Variants in NCOR2 observed in about 807,000 individuals in gnomAD.
NCOR2 encodes nuclear receptor corepressor 2.
Under a neutral mutation model 262.9 loss-of-function variants are expected in NCOR2, and 81 were observed. The observed-to-expected ratio is 0.31, with a 90% CI of 0.26 to 0.37. The LOEUF (loss-of-function observed/expected upper bound fraction) is 0.37, where lower values mean the gene tolerates loss of function less well. Ranked by LOEUF, NCOR2 falls within the 10% of genes least tolerant of loss-of-function variation. NCOR2 has a pLI of 1.00. For missense variants in NCOR2, 3,385 were observed against 3,621.4 expected, an observed-to-expected ratio of 0.93 and a Z score of 1.68; for synonymous variants, 1,659 against 1,559.3, an observed-to-expected ratio of 1.06 and a Z score of -1.51.
intron 23 of NCOR2, among the ~76,000 whole-genome samples, chr12:124,355,856 C>T (rs921210868): frequency 2.0e-5 from 3 of 152,170 alleles, no homozygotes; most frequent in African/African-American, 4.8e-5. Context: ...CCACTGTAGC[C>T]CCCAGTAGCC....
chr12:124,429,164 C>T (rs182206913), intron 10 of NCOR2, among the ~76,000 whole-genome samples: 208 of 152,366 alleles, frequency 1.4e-3, no homozygotes, highest in African/African-American at 4.8e-3. Flanking sequence ...GGGAACTCTT[C>T]GGCCTGCGCC....
chr12:124,526,645 C>T (rs897093955), intron 1 of NCOR2, among the ~76,000 whole-genome samples: 5 of 152,280 alleles, frequency 3.3e-5, no homozygotes, highest in African/African-American at 4.8e-5. Context: ...CAGCTGGTCT[C>T]CTCTCCCCCG....
intron 22 of NCOR2, among the ~76,000 whole-genome samples, chr12:124,360,463 C>T (rs2038469629): frequency 6.6e-6 from 1 of 152,270 alleles, no homozygotes; most frequent in Non-Finnish European, 1.5e-5. Flanking sequence ...CCCGCTGCTG[C>T]CCTTGACTCA....
chr12:124,388,430 C>A (rs1042058629), intron 16 of NCOR2, among the ~76,000 whole-genome samples: 8 of 152,274 alleles, frequency 5.3e-5, no homozygotes, highest in African/African-American at 1.9e-4. Flanking sequence ...CTTGGAGAGA[C>A]CCCCTGTGCA....
At chr12:124,550,670 A>G (rs2051687017) in intron 1 of NCOR2, among the ~76,000 whole-genome samples, 1 of 152,216 alleles carries the variant, frequency 6.6e-6, no homozygotes, top group Admixed American at 6.5e-5. Context: ...TTCTGCTTCC[A>G]AAAACCAAAA....
chr12:124,525,230 G>A (rs940836181), intron 1 of NCOR2, among the ~76,000 whole-genome samples: 40 of 152,066 alleles, frequency 2.6e-4, no homozygotes, highest in African/African-American at 8.2e-4. Flanking sequence ...GGGCCTTCGC[G>A]CCTGCTGTTC....
rs2046910592 is a variant in NCOR2, at chr12:124,473,141, A to G, written c.412-10T>C. ...CCGTCAGGCTACGGTCCTGTGGCAG[A>G]AAAAAAACGGGCATGGGGTCAGCAC... is the stretch of plus-strand genomic sequence containing the variant. On this transcript the variant is annotated splice_polypyrimidine_tract_variant and intron_variant, in intron 3 of 46. Coordinates refer to ENST00000405201, the Ensembl canonical transcript of NCOR2. 6.2e-7 allele frequency: 1 copy of G among 1,612,942 alleles called. No homozygotes were observed. Among genetic ancestry groups the G allele is most frequent in the Non-Finnish European group, 8.5e-7 (1 of 1,179,914 alleles).
At chr12:124,494,942 T>C (rs1040990476) in intron 1 of NCOR2, among the ~76,000 whole-genome samples, 2 of 152,128 alleles carry the variant, frequency 1.3e-5, no homozygotes, top group Admixed American at 1.3e-4. Flanking sequence ...TCTTCCCAGC[T>C]TTAAAATGGG....
intron 1 of NCOR2, among the ~76,000 whole-genome samples, chr12:124,558,266 A>ACCCCCC (rs11428567): frequency 2.7e-5 from 3 of 112,998 alleles, no homozygotes; most frequent in South Asian, 3.0e-4. Flanking sequence ...TCTCCCACCC[A>ACCCCCC]CCCCCCCTCC....
At chr12:124,325,428 A>C in exon 47 of NCOR2, 2 of 958,404 alleles carry the variant, frequency 2.1e-6, no homozygotes, top group South Asian at 4.5e-5. Flanking sequence ...AGTGTCTCGT[A>C]CTGCGAGCAG....
chr12:124,414,418 T>C (rs775026592), intron 13 of NCOR2, among the ~76,000 whole-genome samples: 100 of 152,262 alleles, frequency 6.6e-4, no homozygotes, highest in Non-Finnish European at 1.1e-3. Flanking sequence ...ATCATCGCCA[T>C]CGCCACCATA....
Position 124,523,644 on chromosome 12 carries a change from A to AAC in NCOR2, c.-118+11920_-118+11921insGT, listed in dbSNP as rs200794393. On this transcript the variant is annotated intron_variant, in intron 1 of 46. Coordinates refer to the NCOR2 transcript ENST00000404621. This position sits in a 1 kb window ranked among gnomAD's most constrained non-coding sequence, Gnocchi z 4.0. ...AACCATAGCTGATGAACTAAAAAAA[A>AAC]AAAAAACAAAAAACCGAAAAACAAT... 0.031 allele frequency among the ~76,000 whole-genome samples: 4,776 copies of AAC among 151,792 alleles called. 253 individuals are homozygous for AAC. Among genetic ancestry groups the AAC allele is most frequent in the African/African-American group, 0.11 (4,528 of 41,332 alleles).
At chr12:124,337,212 A>G in intron 37 of NCOR2, 32 bp from the exon 40 acceptor site, 6 of 1,548,078 alleles carry the variant, frequency 3.9e-6, no homozygotes, top group Non-Finnish European at 5.2e-6. Flanking sequence ...TCAGGCAGTC[A>G]TGGGAGCTGC....
At chr12:124,530,439 A>G (rs758646860) in intron 1 of NCOR2, among the ~76,000 whole-genome samples, 1 of 152,174 alleles carries the variant, frequency 6.6e-6, no homozygotes, top group Non-Finnish European at 1.5e-5. Context: ...TGGGTGCATC[A>G]TTATAGGTTA....
rs750121527 is a variant in NCOR2, at chr12:124,378,330, C to A, written c.2074G>T (p.Glu692Ter). ...ACCACGGGCGGGAATGCAGCCTCCTCGCTGGCCGCCGCCGGCGCTTTCTTC... is the reference window on the plus strand; with the variant it reads ...ACCACGGGCGGGAATGCAGCCTCCTAGCTGGCCGCCGCCGGCGCTTTCTTC... The change falls in exon 18 of 47, where the codon GAG (glutamate) becomes TAG (stop). Residue 692 changes from glutamate to a stop codon, truncating the protein, a stop_gained. Coordinates refer to ENST00000405201, the Ensembl canonical transcript of NCOR2. LOFTEE classifies it high-confidence loss of function. This position sits in a 1 kb window ranked among gnomAD's most constrained non-coding sequence, Gnocchi z 4.2. 1 of 1,613,960 alleles carries A rather than the reference C, an allele frequency of 6.2e-7. No individual in the cohort carries two copies. Among genetic ancestry groups the A allele is most frequent in the Non-Finnish European group, 8.5e-7 (1 of 1,179,896 alleles).
intron 19 of NCOR2, 138 bp downstream of exon 21, chr12:124,374,275 A>G: frequency 1.2e-6 from 1 of 834,534 alleles, no homozygotes; most frequent in South Asian, 1.6e-5. Flanking sequence ...GGAAGCCCAG[A>G]GGCCGCGGAG....
chr12:124,511,837 C>T (rs2049411636), intron 1 of NCOR2, among the ~76,000 whole-genome samples: 6 of 152,240 alleles, frequency 3.9e-5, no homozygotes, highest in Non-Finnish European at 1.5e-5. Context: ...CCTCCAGAGA[C>T]TGGCGTCGCC....
intron 1 of NCOR2, among the ~76,000 whole-genome samples, chr12:124,508,453 A>T (rs2137002276): frequency 6.6e-6 from 1 of 152,318 alleles, no homozygotes; most frequent in Admixed American, 6.5e-5. Flanking sequence ...CACCCGAAGA[A>T]GGGCAGGGAC....
At chr12:124,448,773 C>T (rs1565953498) in intron 7 of NCOR2, among the ~76,000 whole-genome samples, 2 of 152,212 alleles carry the variant, frequency 1.3e-5, no homozygotes, top group African/African-American at 2.4e-5. Context: ...GGTTTGCACG[C>T]TTTCAGGAAC....
Sources: allele counts gnomAD v4.1 joint callset (sites outside exome capture counted in the v4.1 genomes callset), GRCh38; gene constraint gnomAD v4.1.1; non-coding constraint Gnocchi (gnomAD v3.1); transcripts MANE v1.5; gene names NCBI Gene and HGNC (gene_info 2026-07-23, HGNC 2026-07-21).